ZNF536: variants seen among roughly 807,000 people sequenced by gnomAD.
The protein encoded by ZNF536 is zinc finger protein 536.
ZNF536 carries 13 observed loss-of-function variants against 84.5 expected under a neutral mutation model. The ratio of observed to expected loss-of-function variants is 0.15; its 90% CI spans 0.10 to 0.24. ZNF536 has a LOEUF of 0.24. Among genes scored for constraint, ZNF536 ranks in the 10% least tolerant of loss-of-function variants. ZNF536 has a pLI of 1.00. For missense variants in ZNF536, 1,536 were observed against 1,747.5 expected, an observed-to-expected ratio of 0.88 and a Z score of 2.16; for synonymous variants, 811 against 742.5, an observed-to-expected ratio of 1.09 and a Z score of -1.50.
At chr19:30,646,159 G>A (rs745316143) in intron 1 of ZNF536, among the ~76,000 whole-genome samples, 3 of 152,124 alleles carry the variant, frequency 2.0e-5, no homozygotes, top group African/African-American at 4.8e-5. Context: ...TGTGTCTCAC[G>A]ATTCCTCTCC....
At chr19:30,261,515 T>G (rs1490490144) in intron 1 of ZNF536, among the ~76,000 whole-genome samples, 1 of 150,786 alleles carries the variant, frequency 6.6e-6, no homozygotes, top group Non-Finnish European at 1.5e-5. Flanking sequence ...ATCTGGGCAA[T>G]GTAACAAGAC....
At chr19:30,402,329 G>GA (rs201839746) in intron 1 of ZNF536, among the ~76,000 whole-genome samples, 28 of 148,962 alleles carry the variant, frequency 1.9e-4, no homozygotes, top group Middle Eastern at 3.5e-3. Context: ...TAGTGGAGGG[G>GA]AAAAAAAAAG....
chr19:30,245,972 A>G (rs2024243273), intron 1 of ZNF536, among the ~76,000 whole-genome samples: 1 of 152,148 alleles, frequency 6.6e-6, no homozygotes, highest in Admixed American at 6.5e-5. Flanking sequence ...AACACAGATA[A>G]AGTTGTTAGT....
chr19:30,306,721 G>A (rs2046352805), intron 2 of ZNF536, among the ~76,000 whole-genome samples: 1 of 152,184 alleles, frequency 6.6e-6, no homozygotes, highest in African/African-American at 2.4e-5. Context: ...TCTATAGTCT[G>A]GTATGTTATT....
intron 3 of ZNF536, among the ~76,000 whole-genome samples, chr19:30,539,995 A>G (rs995644092): frequency 6.6e-6 from 1 of 152,130 alleles, no homozygotes; most frequent in Non-Finnish European, 1.5e-5. Flanking sequence ...AATAAATCTC[A>G]TTAGTTTCTT....
At chr19:30,233,492 C>G (rs1235278396) in intron 1 of ZNF536, among the ~76,000 whole-genome samples, 4 of 151,982 alleles carry the variant, frequency 2.6e-5, no homozygotes, top group Non-Finnish European at 5.9e-5. Context: ...CAGGTACATA[C>G]CACCACACCT....
chr19:30,583,050 AC>A (rs1318688659), intron 1 of ZNF536, among the ~76,000 whole-genome samples: 1 of 152,156 alleles, frequency 6.6e-6, no homozygotes, highest in East Asian at 1.9e-4. Flanking sequence ...AGCATGAGAC[AC>A]CTGTCTGGCC....
At chr19:30,658,456 C>A (rs1462627412) in intron 1 of ZNF536, among the ~76,000 whole-genome samples, 4 of 152,130 alleles carry the variant, frequency 2.6e-5, no homozygotes, top group Non-Finnish European at 5.9e-5. Context: ...ATCTTTAAAT[C>A]GGTATCCCAG....
Position 30,444,808 on chromosome 19 carries a change from G to C in ZNF536, c.1246G>C (p.Gly416Arg), listed in dbSNP as rs755402618. Residue 416 changes from glycine (G) to arginine (R), a missense_variant, in exon 2 of 5, where the codon GGC (glycine) becomes CGC (arginine). Physicochemically the swap from Gly to Arg is moderately radical, Grantham distance 125 (BLOSUM62 -2). Coordinates refer to ENST00000355537, the MANE Select transcript of ZNF536 (RefSeq NM_014717.3). ...PSDPEVPVPM[G>R]GMSQEAHANL... ...CGACCCCGAGGTGCCTGTGCCCATG[G>C]GCGGCATGTCCCAGGAGGCCCACGC... The C allele has an allele frequency of 6.2e-7, 1 of 1,613,880 alleles. No individual in the cohort carries two copies. The highest frequency in any genetic ancestry group is 2.2e-5 in the East Asian group (1 of 44,878).
intron 1 of ZNF536, among the ~76,000 whole-genome samples, chr19:30,273,903 A>G (rs1045106415): frequency 1.3e-5 from 2 of 152,256 alleles, no homozygotes; most frequent in African/African-American, 4.8e-5. Flanking sequence ...ACACATATGC[A>G]TGCATATATG....
In ZNF536 at chr19:30,445,198, C is replaced by A. The variant is rs1206420951; in HGVS notation, c.1636C>A (p.Arg546Ser). 1 of 1,614,162 alleles carries A rather than the reference C, an allele frequency of 6.2e-7. No individual in the cohort carries two copies. Among genetic ancestry groups the A allele is most frequent in the Non-Finnish European group, 8.5e-7 (1 of 1,180,040 alleles). The change falls in exon 2 of 5, where the codon CGC becomes AGC. Residue 546 changes from arginine to serine, a missense_variant. Physicochemically the swap from Arg to Ser is moderately radical, Grantham distance 110 (BLOSUM62 -1). Around this residue, in one of 8 missense-constraint regions of ZNF536, gnomAD observed 366 missense variants for 364.4 expected, o/e 1.00. Coordinates refer to ENST00000355537, the MANE Select transcript of ZNF536 (RefSeq NM_014717.3). The surrounding 1 kb of genome is among the most constrained non-coding windows in gnomAD (Gnocchi z 4.5). ...CTTGTCTAAAGAGCATCCGCTGCAG[C>A]GCAACCACGAAGACACTTTGGCAAA... ...GFLSKEHPLQRNHEDTLANAG... is the reference protein window; with the variant it reads ...GFLSKEHPLQSNHEDTLANAG...
At chr19:30,469,736 G>A (rs987806545) in intron 2 of ZNF536, among the ~76,000 whole-genome samples, 2 of 152,160 alleles carry the variant, frequency 1.3e-5, no homozygotes, top group African/African-American at 2.4e-5. Flanking sequence ...AGCTCCCACC[G>A]CCCACCTGCC....
intron 1 of ZNF536, among the ~76,000 whole-genome samples, chr19:30,269,610 C>T (rs1327002497): frequency 2.0e-5 from 3 of 152,078 alleles, no homozygotes; most frequent in Non-Finnish European, 2.9e-5. Context: ...CTTGAGATTT[C>T]GACATTTGGG....
chr19:30,596,467 C>G (rs1250454555), intron 1 of ZNF536, among the ~76,000 whole-genome samples: 1 of 152,186 alleles, frequency 6.6e-6, no homozygotes, highest in East Asian at 1.9e-4. Flanking sequence ...GCCATTGGGG[C>G]AGGTGTCTCC....
At chr19:30,295,764 C>T (rs1237947440) in intron 2 of ZNF536, among the ~76,000 whole-genome samples, 1 of 152,134 alleles carries the variant, frequency 6.6e-6, no homozygotes, top group Non-Finnish European at 1.5e-5. Flanking sequence ...TGTTTGAAAA[C>T]CTCTGAAGCA....
chr19:30,698,278 C>G (rs1162459715), intron 1 of ZNF536, among the ~76,000 whole-genome samples: 1 of 146,742 alleles, frequency 6.8e-6, no homozygotes, highest in South Asian at 2.2e-4. Flanking sequence ...GGTGACAGAG[C>G]AAGACTCAGT....
At chr19:30,633,780 C>T (rs1416728080) in intron 1 of ZNF536, among the ~76,000 whole-genome samples, 1 of 151,918 alleles carries the variant, frequency 6.6e-6, no homozygotes, top group African/African-American at 2.4e-5. Context: ...CACTATGTTG[C>T]CTAGGCTGGT....
At chr19:30,634,471 T>C (rs2048994979) in intron 1 of ZNF536, among the ~76,000 whole-genome samples, 1 of 152,024 alleles carries the variant, frequency 6.6e-6, no homozygotes, top group South Asian at 2.1e-4. Context: ...CTGCCATGCC[T>C]CCAGTCTCTG....
rs146300931 is a variant in ZNF536 at position 30,241,301 on chromosome 19, C to T, written c.-190+12628C>T. On this transcript the variant is annotated intron_variant, in intron 1 of 5. Transcript: ENST00000585628. ...CTGCACTCCAGCCTAGGTGACACGGCGAGACCCTGTCTCAAAAACAGAAAC... is the reference window on the plus strand; with the variant it reads ...CTGCACTCCAGCCTAGGTGACACGGTGAGACCCTGTCTCAAAAACAGAAAC... 1.7e-3 allele frequency among the ~76,000 whole-genome samples: 258 copies of T among 152,258 alleles called. 1 individual carries two copies. The highest frequency in any genetic ancestry group is 5.7e-3 in the African/African-American group (236 of 41,544).
Sources: allele counts gnomAD v4.1 joint callset (sites outside exome capture counted in the v4.1 genomes callset), GRCh38; gene constraint gnomAD v4.1.1; regional missense constraint gnomAD v4.1.1; non-coding constraint Gnocchi (gnomAD v3.1); transcripts MANE v1.5; gene names NCBI Gene and HGNC (gene_info 2026-07-23, HGNC 2026-07-21).